OCM2: variants seen among roughly 807,000 people sequenced by gnomAD.
OCM2 encodes oncomodulin-2.
In OCM2, 6 loss-of-function variants were observed where a neutral mutation model predicts 13.6. The ratio of observed to expected loss-of-function variants is 0.44; its 90% CI spans 0.24 to 0.87. The LOEUF (loss-of-function observed/expected upper bound fraction) is 0.87, where lower values mean the gene tolerates loss of function less well. Among genes scored for constraint, OCM2 ranks in the 40% least tolerant of loss-of-function variants. The pLI is 0.22. For missense variants in OCM2, 118 were observed against 136.8 expected, an observed-to-expected ratio of 0.86 and a Z score of 0.68; for synonymous variants, 40 against 50.7, an observed-to-expected ratio of 0.79 and a Z score of 0.90.
At chr7:97,987,891 T>C (rs1280736795) in intron 2 of OCM2, among the ~76,000 whole-genome samples, 2 of 151,976 alleles carry the variant, frequency 1.3e-5, no homozygotes, top group East Asian at 1.9e-4. Flanking sequence ...GGAAATCCCT[T>C]ACATGAAAGA....
chr7:97,988,046 C>T (rs1237819377), intron 2 of OCM2, among the ~76,000 whole-genome samples: 2 of 152,056 alleles, frequency 1.3e-5, no homozygotes, highest in African/African-American at 2.4e-5. Flanking sequence ...TGAAAATTAG[C>T]TGGATGTGGT....
intron 1 of OCM2, 28 bp downstream of exon 1, chr7:97,990,016 T>TGCCCC: frequency 1.5e-5 from 16 of 1,083,830 alleles, no homozygotes; most frequent in East Asian, 2.7e-5. Flanking sequence ...TGTGAGGAAA[T>TGCCCC]CCCACCCCCG....
At chr7:97,986,557 GTT>G (rs1409114907) in intron 3 of OCM2, among the ~76,000 whole-genome samples, 1 of 152,124 alleles carries the variant, frequency 6.6e-6, no homozygotes, top group Non-Finnish European at 1.5e-5. Context: ...TTTGTTCTCT[GTT>G]TAATATTATC....
At chr7:97,987,838 G>A (rs181858749) in intron 2 of OCM2, among the ~76,000 whole-genome samples, 31 of 152,078 alleles carry the variant, frequency 2.0e-4, no homozygotes, top group Admixed American at 1.2e-3. Context: ...GTGAGCCACC[G>A]CGCTTAGCCA....
chr7:97,986,241 C>A (rs1794669932), intron 3 of OCM2, among the ~76,000 whole-genome samples: 1 of 152,086 alleles, frequency 6.6e-6, no homozygotes, highest in Non-Finnish European at 1.5e-5. Context: ...AGGCAATCCC[C>A]CCTTACCTAA....
chr7:97,988,491 G>A (rs181487141), exon 2 of OCM2: 1 of 1,614,062 alleles, frequency 6.2e-7, no homozygotes, highest in African/African-American at 1.3e-5. Context: ...CTGACTGGCT[G>A]ACATCTTGGA....
At chr7:97,989,378 C>CTTATTTATTTATTTAT (rs1358240592) in intron 1 of OCM2, among the ~76,000 whole-genome samples, 1 of 126,972 alleles carries the variant, frequency 7.9e-6, no homozygotes, top group Non-Finnish European at 1.7e-5. Context: ...CAGCCAAGCT[C>CTTATTTATTTATTTAT]TTATTTACTT....
intron 1 of OCM2, among the ~76,000 whole-genome samples, chr7:97,989,639 C>T (rs1011860582): frequency 2.0e-5 from 3 of 151,562 alleles, no homozygotes; most frequent in African/African-American, 7.3e-5. Context: ...AACTCCTGGG[C>T]TCAAACAGTC....
chr7:97,989,155 T>C (rs1794703951), intron 1 of OCM2, among the ~76,000 whole-genome samples: 1 of 151,762 alleles, frequency 6.6e-6, no homozygotes, highest in East Asian at 1.9e-4. Context: ...GGTCTTGAAC[T>C]CCTGACCTCA....
At chr7:97,985,097 A>G in intron 3 of OCM2, 114 bp from the exon 4 acceptor site, 1 of 1,121,570 alleles carries the variant, frequency 8.9e-7, no homozygotes, top group Non-Finnish European at 1.3e-6. Flanking sequence ...TTGTCAGATG[A>G]TGGGCATGGC....
Position 97,987,085 on chromosome 7 carries a change from G to C in OCM2, c.266C>G (p.Ala89Gly). Residue 89 changes from alanine to glycine, a missense_variant, in exon 3 of 4, where the codon GCG (alanine) becomes GGG (glycine). By Grantham distance (60) the Ala-to-Gly change is moderately conservative. Coordinates refer to ENST00000257627, the Ensembl canonical transcript of OCM2. ...TTTCCCATCTCCATCATTATCCGCC[G>C]CAGCCATCAAGGACTTGGTTTCTGA... is the stretch of plus-strand genomic sequence containing the variant. The C allele has an allele frequency of 2.5e-6, 4 of 1,613,598 alleles. No homozygotes were observed. In the Admixed American group the frequency reaches 5.0e-5, roughly 20 times the overall value.
rs757238747 is a variant in OCM2 at position 97,988,504 on chromosome 7, G to T, written c.106C>A (p.Leu36Ile). Residue 36 changes from leucine (L) to isoleucine (I), a missense_variant, in exon 2 of 4, where the codon CTC becomes ATC. By Grantham distance (5) the Leu-to-Ile change is conservative. Coordinates refer to ENST00000257627, the Ensembl canonical transcript of OCM2. The stretch of plus-strand genomic sequence containing the variant: ...ACCTGACTGGCTGACATCTTGGAGA[G>T]GCCTGACGTCTGGAAGAATTTTTGG... The T allele has an allele frequency of 1.6e-5, 26 of 1,614,070 alleles. No homozygotes were observed. The highest frequency in any genetic ancestry group is 2.1e-5 in the Non-Finnish European group (25 of 1,180,046).
intron 2 of OCM2, among the ~76,000 whole-genome samples, chr7:97,987,976 G>T (rs894029577): frequency 2.6e-5 from 4 of 152,156 alleles, no homozygotes; most frequent in Non-Finnish European, 4.4e-5. Flanking sequence ...AGGATCACTT[G>T]AAGTCAGGAG....
In OCM2 at chr7:97,987,121, T is replaced by C. The variant is rs762271371; in HGVS notation, c.230A>G (p.Glu77Gly). 7 of 1,613,706 alleles carry C rather than the reference T, an allele frequency of 4.3e-6. No homozygotes were observed. In the East Asian group the frequency reaches 8.9e-5, roughly 21 times the overall value. ...GGACTTGGTTTCTGACTCGGTCAGT[T>C]CTCTGGCACCACTCTCAAACTTCTG... is the stretch of plus-strand genomic sequence containing the variant. The change falls in exon 3 of 4, where the codon GAA becomes GGA. Residue 77 changes from glutamate (E) to glycine (G), a missense_variant. Physicochemically the swap from Glu to Gly is moderately conservative, Grantham distance 98. Transcript: ENST00000257627.
chr7:97,989,804 C>A (rs1794713868), intron 1 of OCM2, among the ~76,000 whole-genome samples: 1 of 150,924 alleles, frequency 6.6e-6, no homozygotes, highest in African/African-American at 2.4e-5. Context: ...ATTACAGGTG[C>A]CCACCACCAC....
intron 1 of OCM2, among the ~76,000 whole-genome samples, chr7:97,989,577 T>C (rs1316229331): frequency 1.8e-4 from 27 of 151,886 alleles, no homozygotes; most frequent in Non-Finnish European, 2.9e-5. Context: ...TTTTTATTTT[T>C]ATTGTTATGT....
chr7:97,988,218 G>T (rs1287078735), intron 2 of OCM2, among the ~76,000 whole-genome samples, 198 bp downstream of exon 2: 2 of 151,994 alleles, frequency 1.3e-5, no homozygotes, highest in Non-Finnish European at 2.9e-5. Flanking sequence ...TGCACCTGTA[G>T]TCTTCACTGC....
exon 1 of OCM2, chr7:97,990,122 A>T (rs1303679254): frequency 2.5e-6 from 4 of 1,612,794 alleles, no homozygotes; most frequent in Non-Finnish European, 3.4e-6. Flanking sequence ...CTACTCACAC[A>T]GAATAAACGA....
Position 97,986,435 on chromosome 7 carries a change from G to A in OCM2, c.304+612C>T, listed in dbSNP as rs188347327. ...CAGACACAAAGTAGTTAAAAAGCATGCTAGCAACATGACAAAATCAAGTGA... is the reference window on the plus strand; with the variant it reads ...CAGACACAAAGTAGTTAAAAAGCATACTAGCAACATGACAAAATCAAGTGA... On this transcript the variant is annotated intron_variant, in intron 3 of 3. Transcript: ENST00000257627. Among the ~76,000 whole-genome samples the A allele has an allele frequency of 4.2e-4, 64 of 152,158 alleles. 1 individual carries two copies. In the East Asian group the frequency reaches 5.4e-3, roughly 13 times the overall value.
Sources: allele counts gnomAD v4.1 joint callset (sites outside exome capture counted in the v4.1 genomes callset), GRCh38; gene constraint gnomAD v4.1.1; transcripts MANE v1.5; gene names NCBI Gene and HGNC (gene_info 2026-07-23, HGNC 2026-07-21).